GEMIN2: variants seen among roughly 807,000 people sequenced by gnomAD.
GEMIN2 encodes the protein gem nuclear organelle associated protein 2.
A neutral mutation model predicts 45.8 loss-of-function variants in GEMIN2; 37 were observed. The ratio of observed to expected loss-of-function variants is 0.81; its 90% CI spans 0.62 to 1.06. The LOEUF (loss-of-function observed/expected upper bound fraction) is 1.06. Ranked by LOEUF, GEMIN2 falls within the 50% of genes least tolerant of loss-of-function variation. The probability of loss-of-function intolerance (pLI) is 0.00; values close to 1 mark genes in which losing one functional copy is unlikely to be tolerated. For synonymous variants in GEMIN2, 101 were observed against 111.5 expected (o/e 0.91, Z 0.60); for missense variants, 335 against 321.8 (o/e 1.04, Z -0.31).
chr14:39,118,744 C>A, intron 4 of GEMIN2, 145 bp downstream of exon 4: 7 of 419,794 alleles, frequency 1.7e-5, no homozygotes, highest in South Asian at 5.1e-5. Context: ...CAATTCATTA[C>A]ATTAGTAGCC....
Position 39,130,106 on chromosome 14 carries a change from A to G in GEMIN2, c.600+1758A>G, listed in dbSNP as rs551625798. Among the ~76,000 whole-genome samples the G allele has an allele frequency of 4.8e-4, 68 of 142,926 alleles. 1 individual carries two copies. Among genetic ancestry groups the G allele is most frequent in the Middle Eastern group, 6.9e-3 (2 of 290 alleles). The allele number at this position is 142,926 out of a possible 152,430, so 93.8% of individuals were successfully genotyped here. ...GTGTAGAGAATATTTAATTTAAATTAAATATTTAATTTAAATGCTAGCTTT... is the reference window on the plus strand; with the variant it reads ...GTGTAGAGAATATTTAATTTAAATTGAATATTTAATTTAAATGCTAGCTTT... On this transcript the variant is annotated intron_variant, in intron 7 of 9. Transcript: ENST00000308317.
chr14:39,117,211 G>A (rs1463042186), intron 2 of GEMIN2, among the ~76,000 whole-genome samples: 1 of 150,456 alleles, frequency 6.6e-6, no homozygotes, highest in Non-Finnish European at 1.5e-5. Context: ...GACGGAGATT[G>A]CAGTGAGCTG....
chr14:39,121,329 T>C (rs2052570059), intron 4 of GEMIN2, among the ~76,000 whole-genome samples: 4 of 152,076 alleles, frequency 2.6e-5, no homozygotes, highest in Admixed American at 2.6e-4. Flanking sequence ...GCCAGGAGTT[T>C]GAGACCAGCC....
chr14:39,124,727 C>G (rs138511484), intron 5 of GEMIN2, among the ~76,000 whole-genome samples: 1,721 of 152,040 alleles, frequency 0.011, 41 homozygotes, highest in African/African-American at 0.04. Flanking sequence ...GAGCCAAGAT[C>G]GCGCCACTAC....
At chr14:39,133,000 G>A (rs9672085) in intron 8 of GEMIN2, among the ~76,000 whole-genome samples, 751 of 60,080 alleles carry the variant, frequency 0.013, 5 homozygotes, top group African/African-American at 0.019. Flanking sequence ...GTGTGTGTGT[G>A]TATATATATG....
intron 2 of GEMIN2, among the ~76,000 whole-genome samples, chr14:39,115,602 G>A (rs971670693): frequency 1.4e-4 from 21 of 151,438 alleles, no homozygotes; most frequent in Middle Eastern, 3.2e-3. Flanking sequence ...GATTACAGGC[G>A]CCCACCACCA....
intron 2 of GEMIN2, 140 bp from the exon 3 acceptor site, chr14:39,117,859 T>G (rs948702480): frequency 2.2e-6 from 1 of 463,334 alleles, no homozygotes; most frequent in African/African-American, 2.0e-5. Flanking sequence ...CTTTTTTACA[T>G]CTGCAAAAAT....
chr14:39,122,431 CA>C lies in GEMIN2; in HGVS notation c.378del (p.Lys126AsnfsTer33). 2.0e-6 allele frequency: 3 copies of C among 1,512,924 alleles called. No individual in the cohort carries two copies. Among genetic ancestry groups the C allele is most frequent in the Non-Finnish European group, 2.7e-6 (3 of 1,102,380 alleles). The allele number at this position is 1,512,924 out of a possible 1,614,324, so 93.7% of individuals were successfully genotyped here. A position where few individuals can be genotyped will look rare whatever the true frequency, so the allele number is the denominator to read the frequency against. On this transcript the variant is annotated frameshift_variant and splice_region_variant, in exon 5 of 10. Coordinates refer to ENST00000308317, the MANE Select transcript of GEMIN2 (RefSeq NM_003616.3). LOFTEE classifies it high-confidence loss of function. Reference sequence around the variant, plus strand: ...TCAGTTTTTTTTTTTTTCTTTTAGCCAAAATCTGAAGATGAAGAAGGCTGGA... The same window carrying C: ...TCAGTTTTTTTTTTTTTCTTTTAGCCAAATCTGAAGATGAAGAAGGCTGGA... ...SQQLDSNVTM[P>X]KSEDEEGWKK...
In GEMIN2 at chr14:39,122,465, T is replaced by C; in HGVS notation, c.408T>C (p.Phe136=). The change falls in exon 5 of 10, where the codon TTT becomes TTC. Residue 136 remains phenylalanine, a synonymous_variant. Coordinates refer to ENST00000308317, the MANE Select transcript of GEMIN2 (RefSeq NM_003616.3). The stretch of plus-strand genomic sequence containing the variant: ...AAGATGAAGAAGGCTGGAAGAAATT[T>C]TGTCTGGGTGAAAAGTTATGTGCTG... ...KSEDEEGWKK[F]CLGEKLCADG... is the part of the protein sequence containing the mutation. The C allele has an allele frequency of 6.2e-7, 1 of 1,606,528 alleles. No individual in the cohort carries two copies. Among genetic ancestry groups the C allele is most frequent in the Non-Finnish European group, 8.5e-7 (1 of 1,175,774 alleles).
intron 4 of GEMIN2, among the ~76,000 whole-genome samples, chr14:39,118,890 AC>A (rs749926788): frequency 1.4e-5 from 2 of 146,112 alleles, no homozygotes. Flanking sequence ...TCCTCCCACC[AC>A]CGCCTTCCAA....
At chr14:39,124,398 T>C (rs185101130) in intron 5 of GEMIN2, among the ~76,000 whole-genome samples, 1 of 151,818 alleles carries the variant, frequency 6.6e-6, no homozygotes, top group African/African-American at 2.4e-5. Context: ...CTTAATAAGT[T>C]AGTTTTTTCA....
At position 39,123,927 on chromosome 14, in the gene GEMIN2, A is replaced by T. The variant is rs542398813; in HGVS notation, c.487-1065A>T. 1.4e-3 allele frequency among the ~76,000 whole-genome samples: 214 copies of T among 151,012 alleles called. 1 individual carries two copies. The highest frequency in any genetic ancestry group is 3.7e-4 in the Non-Finnish European group (25 of 67,756). On this transcript the variant is annotated intron_variant, in intron 5 of 9. Transcript: ENST00000308317. ...GTAGCGATAAGTTTTTTAATTTTTT[A>T]AAAAAATTTTTTTGTAGAGAGAAGT...
chr14:39,115,014 T>A, intron 2 of GEMIN2, 101 bp downstream of exon 2: 1 of 683,262 alleles, frequency 1.5e-6, no homozygotes, highest in Non-Finnish European at 2.7e-6. Context: ...ACGTAAGATT[T>A]GACTACTCCG....
chr14:39,120,516 C>T (rs1399091511), intron 4 of GEMIN2, among the ~76,000 whole-genome samples: 1 of 152,206 alleles, frequency 6.6e-6, no homozygotes, highest in Non-Finnish European at 1.5e-5. Context: ...ACAGAAACAG[C>T]TTCTGACCTA....
At position 39,136,530 on chromosome 14, in the gene GEMIN2, C is replaced by T. The variant is rs1445641014; in HGVS notation, c.*51C>T. On this transcript the variant is annotated 3_prime_UTR_variant, in exon 10 of 10. Transcript: ENST00000308317. ...GATATTTCTCATGAAGGCAGCCTAA[C>T]TCTGAGGAAAACAATGCCAATTCAA... The T allele has an allele frequency of 4.1e-6, 6 of 1,473,786 alleles. No homozygotes were observed. The highest frequency in any genetic ancestry group is 5.7e-6 in the Non-Finnish European group (6 of 1,058,354). The allele number at this position is 1,473,786 out of a possible 1,614,324, so 91.3% of individuals were successfully genotyped here.
At chr14:39,136,333 C>T in intron 9 of GEMIN2, 107 bp from the exon 10 acceptor site, 1 of 666,606 alleles carries the variant, frequency 1.5e-6, no homozygotes. Flanking sequence ...GCTTATTTAA[C>T]CAGTTTCTTA....
Position 39,133,707 on chromosome 14 carries a change from GC to G in GEMIN2, c.759del (p.Leu254TrpfsTer11). On this transcript the variant is annotated frameshift_variant, in exon 9 of 10. Coordinates refer to ENST00000308317, the MANE Select transcript of GEMIN2 (RefSeq NM_003616.3). LOFTEE classifies it high-confidence loss of function. ...ERVPALNLLI[C>X]LVSRYFDQRD... ...GTTCCTGCTTTGAATTTATTAATCT[GC>G]TTGGTTAGCAGGTATAGTTAATCCT... The G allele has an allele frequency of 6.6e-7, 1 of 1,518,928 alleles. No individual in the cohort carries two copies. The highest frequency in any genetic ancestry group is 8.9e-7 in the Non-Finnish European group (1 of 1,118,110). 94.1% of individuals were successfully genotyped at this position (1,518,928 alleles called of 1,614,324 possible). A position where few individuals can be genotyped will look rare whatever the true frequency, so the allele number is the denominator to read the frequency against.
rs71130820 is a variant in GEMIN2 at position 39,128,485 on chromosome 14, C to CTTTTTTTT, written c.600+153_600+160dup. On this transcript the variant is annotated intron_variant, in intron 7 of 9. Coordinates refer to ENST00000308317, the MANE Select transcript of GEMIN2 (RefSeq NM_003616.3). Reference sequence around the variant, plus strand: ...ACTGCACATTTTCTTTTTTTCTTTTCTTTTTTTTTTTTTTTTTTTTTTTGA... The same window carrying CTTTTTTTT: ...ACTGCACATTTTCTTTTTTTCTTTTCTTTTTTTTTTTTTTTTTTTTTTTTTTTTTTTGA... 6.3e-4 allele frequency: 94 copies of CTTTTTTTT among 148,462 alleles called. 1 individual carries two copies. The highest frequency in any genetic ancestry group is 1.9e-3 in the African/African-American group (35 of 18,642). The allele number at this position is 148,462 out of a possible 1,614,324, so 9.2% of individuals were successfully genotyped here.
chr14:39,136,495 A>T lies in GEMIN2; in HGVS notation c.*16A>T, dbSNP rs777092867. 1.1e-5 allele frequency: 18 copies of T among 1,593,178 alleles called. No individual in the cohort carries two copies. The highest frequency in any genetic ancestry group is 1.5e-5 in the Non-Finnish European group (18 of 1,162,610). On this transcript the variant is annotated 3_prime_UTR_variant, in exon 10 of 10. Transcript: ENST00000308317. ...GCCATCTTGATGTAGCTGATCTCTC[A>T]GGGATAGAAGATATTTCTCATGAAG...
Sources: gnomAD v4.1 joint callset for allele counts (sites outside exome capture counted in the v4.1 genomes callset) on GRCh38, gnomAD v4.1.1 for gene constraint, MANE v1.5 for transcripts, NCBI Gene and HGNC (gene_info 2026-07-23, HGNC 2026-07-21) for gene names.